ANK3: variants seen among roughly 807,000 people sequenced by gnomAD.
ANK3 encodes ankyrin-3.
A neutral mutation model predicts 370.9 loss-of-function variants in ANK3; 57 were observed. The observed-to-expected ratio is 0.15, with a 90% CI of 0.12 to 0.19. ANK3 has a LOEUF of 0.19. Among genes scored for constraint, ANK3 ranks in the 10% least tolerant of loss-of-function variants. The pLI, the probability that ANK3 is intolerant of heterozygous loss-of-function variation, is 1.00. For synonymous variants in ANK3, 1,929 were observed against 1,946.3 expected (o/e 0.99, Z 0.23); for missense variants, 4,439 against 5,302.1 (o/e 0.84, Z 5.06).
intron 8 of ANK3, among the ~76,000 whole-genome samples, chr10:60,226,552 A>ATG (rs2097160594): frequency 7.1e-4 from 11 of 15,552 alleles, no homozygotes; most frequent in South Asian, 3.6e-3. Flanking sequence ...TATATATACT[A>ATG]TAGTATATAT....
At chr10:60,385,797 TAG>T (rs2062190408) in intron 1 of ANK3, among the ~76,000 whole-genome samples, 1 of 152,192 alleles carries the variant, frequency 6.6e-6, no homozygotes, top group South Asian at 2.1e-4. Flanking sequence ...TAAATTTCAT[TAG>T]GTCACCTCAA....
At chr10:60,217,867 C>T (rs376327922) in intron 8 of ANK3, among the ~76,000 whole-genome samples, 5 of 152,068 alleles carry the variant, frequency 3.3e-5, no homozygotes, top group African/African-American at 1.2e-4. Context: ...TAAAGTCTCC[C>T]ACTATTATGG....
chr10:60,440,424 GAGA>G (rs569895362), intron 2 of ANK3, among the ~76,000 whole-genome samples: 77 of 152,330 alleles, frequency 5.1e-4, no homozygotes, highest in African/African-American at 1.8e-3. Flanking sequence ...CAGCAGGACA[GAGA>G]AGAATGAGCA....
At position 60,076,054 on chromosome 10, in the gene ANK3, C is replaced by T. The variant is rs1049921203; in HGVS notation, c.4827G>A (p.Thr1609=). ...AATTGGATGCCAGCCCTTTTAAGGG[C>T]GTAGCTTCCGTGACTGCTGGAGCTC... ...LARAPAVTEA[T]PLKGLASNST... The change falls in exon 37 of 44, where the codon ACG becomes ACA. Residue 1609 remains threonine (T), a synonymous_variant. Coordinates refer to ENST00000280772, the MANE Select transcript of ANK3 (RefSeq NM_020987.5). The T allele has an allele frequency of 9.3e-6, 15 of 1,614,020 alleles. No homozygotes were observed. The highest frequency in any genetic ancestry group is 4.0e-5 in the African/African-American group (3 of 74,928).
At chr10:60,664,320 A>G (rs556944912) in intron 1 of ANK3, among the ~76,000 whole-genome samples, 27 of 152,394 alleles carry the variant, frequency 1.8e-4, no homozygotes, top group Non-Finnish European at 2.9e-4. Flanking sequence ...AATAGTTATC[A>G]CATTCTGTGA....
Position 60,075,785 on chromosome 10 carries a change from G to T in ANK3, c.5096C>A (p.Ser1699Tyr), listed in dbSNP as rs2083660361. 6.2e-7 allele frequency: 1 copy of T among 1,614,058 alleles called. No homozygotes were observed. Among genetic ancestry groups the T allele is most frequent in the African/African-American group, 1.3e-5 (1 of 74,930 alleles). ...CATCTGCTTCACAGGTGATGAGAGAGAAGATGCCATTGTAATTTTGGCTGA... is the reference window on the plus strand; with the variant it reads ...CATCTGCTTCACAGGTGATGAGAGATAAGATGCCATTGTAATTTTGGCTGA... ...ISSAKITMAS[S>Y]LSSPVKQMPG... The change falls in exon 37 of 44, where the codon TCT becomes TAT. Residue 1699 changes from serine (S) to tyrosine (Y), a missense_variant. Ser to Tyr is a moderately radical substitution (Grantham distance 144). Around this residue, in one of 13 missense-constraint regions of ANK3, gnomAD observed 679 missense variants for 791.0 expected, o/e 0.86. Transcript: ENST00000280772.
intron 23 of ANK3, among the ~76,000 whole-genome samples, chr10:60,166,122 T>A (rs1345577402): frequency 6.6e-6 from 1 of 152,148 alleles, no homozygotes; most frequent in African/African-American, 2.4e-5. Context: ...TTTTTCAGGT[T>A]GTTTTCATTA....
chr10:60,373,062 A>C (rs1380455), intron 1 of ANK3, among the ~76,000 whole-genome samples: 56,656 of 152,160 alleles, frequency 0.37, 11,396 homozygotes, highest in Middle Eastern at 0.5. Context: ...AATTTGAGTA[A>C]AAAGTGATCC....
chr10:60,594,346 C>A (rs1219341710), intron 2 of ANK3, among the ~76,000 whole-genome samples: 1 of 152,130 alleles, frequency 6.6e-6, no homozygotes, highest in East Asian at 1.9e-4. Flanking sequence ...TCATACTAGG[C>A]AACAGTTATT....
rs116240201 is a variant in ANK3 at position 60,453,087 on chromosome 10, G to A, written c.96+162099C>T. 6.9e-3 allele frequency among the ~76,000 whole-genome samples: 1,049 copies of A among 152,296 alleles called. 11 individuals carry two copies. Among genetic ancestry groups the A allele is most frequent in the African/African-American group, 0.024 (994 of 41,556 alleles). On this transcript the variant is annotated intron_variant, in intron 2 of 43. Transcript: ENST00000373827. ...TGATCTCTAGGGGAAGTTGCACAGTGGAGTGGAAAGAACACAATCTTTAGA... is the reference window on the plus strand; with the variant it reads ...TGATCTCTAGGGGAAGTTGCACAGTAGAGTGGAAAGAACACAATCTTTAGA...
At chr10:60,598,301 T>C (rs2078015352) in intron 2 of ANK3, among the ~76,000 whole-genome samples, 2 of 152,232 alleles carry the variant, frequency 1.3e-5, no homozygotes, top group South Asian at 2.1e-4. Context: ...ACTTACGCAG[T>C]ATTCTTTAAA....
At chr10:60,350,265 G>A (rs933404614) in intron 1 of ANK3, among the ~76,000 whole-genome samples, 1 of 152,160 alleles carries the variant, frequency 6.6e-6, no homozygotes, top group African/African-American at 2.4e-5. Context: ...GGTAGCTAAA[G>A]GTTTTGGCTT....
intron 2 of ANK3, among the ~76,000 whole-genome samples, chr10:60,602,406 A>G (rs10994426): frequency 0.15 from 22,685 of 152,150 alleles, 2,140 homozygotes; most frequent in South Asian, 0.27. Context: ...CACATGGAAA[A>G]TACACATTTG....
rs1333383664 is a variant in ANK3, at chr10:60,166,645, C to G, written c.2560G>C (p.Ala854Pro). Reference sequence around the variant, plus strand: ...TCACTGAGCATTTCAGGGGCATTGGCTTTACGAACTGCATGATTGAAGTGA... The same window carrying G: ...TCACTGAGCATTTCAGGGGCATTGGGTTTACGAACTGCATGATTGAAGTGA... ...LDMSDDEVRK[A>P]NAPEMLSDGE... Residue 854 changes from alanine (A) to proline (P), a missense_variant, in exon 23 of 44, where the codon GCC (alanine) becomes CCC (proline). Physicochemically the swap from Ala to Pro is conservative, Grantham distance 27. Transcript: ENST00000280772. The G allele has an allele frequency of 2.5e-6, 4 of 1,613,652 alleles. No homozygotes were observed.
At chr10:60,420,545 C>A (rs2063757251) in intron 2 of ANK3, among the ~76,000 whole-genome samples, 1 of 151,828 alleles carries the variant, frequency 6.6e-6, no homozygotes, top group Admixed American at 6.6e-5. Flanking sequence ...CAATGAGATC[C>A]CACCCAGAGA....
chr10:60,608,373 A>G (rs909759674), intron 2 of ANK3, among the ~76,000 whole-genome samples: 1 of 152,192 alleles, frequency 6.6e-6, no homozygotes, highest in East Asian at 1.9e-4. Flanking sequence ...TATATGTCCT[A>G]CTTTTCTATG....
chr10:60,580,638 C>G lies in ANK3; in HGVS notation c.96+34548G>C, dbSNP rs550567889. ...TCTCCAAATAATTAACCTCAGTATA[C>G]AAGTATTCTTTATTATTTAACTCTT... On this transcript the variant is annotated intron_variant, in intron 2 of 43. Transcript: ENST00000373827. Among the ~76,000 whole-genome samples, 58 of 152,276 alleles carry G rather than the reference C, an allele frequency of 3.8e-4. No homozygotes were observed. In the South Asian group the frequency reaches 0.012, roughly 31 times the overall value.
At chr10:60,235,773 A>G (rs2132540546) in intron 7 of ANK3, among the ~76,000 whole-genome samples, 1 of 152,256 alleles carries the variant, frequency 6.6e-6, no homozygotes, top group Non-Finnish European at 1.5e-5. Flanking sequence ...TCATAAATGA[A>G]CTAGGCTCAC....
At chr10:60,725,820 A>AT in intron 1 of ANK3, among the ~76,000 whole-genome samples, 1 of 152,304 alleles carries the variant, frequency 6.6e-6, no homozygotes. Context: ...AAGAAAGGAG[A>AT]TAAGTGAATG....
Sources: allele counts gnomAD v4.1 joint callset (sites outside exome capture counted in the v4.1 genomes callset), GRCh38; gene constraint gnomAD v4.1.1; regional missense constraint gnomAD v4.1.1; transcripts MANE v1.5; gene names NCBI Gene and HGNC (gene_info 2026-07-23, HGNC 2026-07-21).